CNKSR2: variants seen among roughly 807,000 people sequenced by gnomAD.
CNKSR2 encodes the protein connector enhancer of kinase suppressor of Ras 2.
A neutral mutation model predicts 84.4 loss-of-function variants in CNKSR2; 14 were observed. That is an observed-to-expected ratio of 0.17 (90% CI 0.11 to 0.26). The LOEUF (loss-of-function observed/expected upper bound fraction) is 0.26. Ranked by LOEUF, CNKSR2 falls within the 10% of genes least tolerant of loss-of-function variation. The pLI is 1.00. For synonymous variants in CNKSR2, 275 were observed against 277.9 expected, an observed-to-expected ratio of 0.99 and a Z score of 0.10; for missense variants, 485 against 771.2, an observed-to-expected ratio of 0.63 and a Z score of 4.40.
intron 11 of CNKSR2, among the ~76,000 whole-genome samples, chrX:21,537,183 G>T (rs956099240): frequency 9.0e-6 from 1 of 111,137 alleles, no homozygotes; most frequent in African/African-American, 3.3e-5. Context: ...AGTTTTTAAA[G>T]TTTCTCTTAC....
chrX:21,554,423 T>C (rs1436979969), intron 11 of CNKSR2, among the ~76,000 whole-genome samples: 1 of 111,253 alleles, frequency 9.0e-6, no homozygotes, highest in African/African-American at 3.3e-5. Context: ...CAGATTATTT[T>C]ATCCTCAGGT....
Position 21,481,603 on chromosome X carries a change from T to A in CNKSR2, c.562-8856T>A, listed in dbSNP as rs146870079. ...GGCAAAGGTGAAGGAATTTCAAGGA[T>A]GTATTTAAGGTCTCTTGTCAGTTGA... On this transcript the variant is annotated intron_variant, in intron 5 of 21. Coordinates refer to ENST00000379510, the MANE Select transcript of CNKSR2 (RefSeq NM_014927.5). Among the ~76,000 whole-genome samples the A allele has an allele frequency of 7.1e-3, 795 of 111,446 alleles. 1 individual carries two copies. The highest frequency in any genetic ancestry group is 0.01 in the Non-Finnish European group (556 of 53,022).
chrX:21,433,175 C>T (rs2090658045), intron 3 of CNKSR2, among the ~76,000 whole-genome samples: 1 of 111,361 alleles, frequency 9.0e-6, no homozygotes, highest in Non-Finnish European at 1.9e-5. Context: ...AAGGAAATGA[C>T]CATTGGGATT....
chrX:21,572,156 C>G (rs2067515942), intron 13 of CNKSR2, among the ~76,000 whole-genome samples: 1 of 112,337 alleles, frequency 8.9e-6, no homozygotes, highest in Admixed American at 9.4e-5. Context: ...ACAGTCTGTA[C>G]TATGAAAAGT....
chrX:21,564,574 G>C (rs1268633034), intron 13 of CNKSR2, among the ~76,000 whole-genome samples: 1 of 111,645 alleles, frequency 9.0e-6, no homozygotes, highest in Non-Finnish European at 1.9e-5. Context: ...TTGAATGATT[G>C]TGCTTAATGC....
At chrX:21,553,716 G>A (rs1211965002) in intron 11 of CNKSR2, among the ~76,000 whole-genome samples, 1 of 111,202 alleles carries the variant, frequency 9.0e-6, no homozygotes, top group Non-Finnish European at 1.9e-5. Context: ...TACTTTTCAT[G>A]AGAGTGACTG....
In CNKSR2 at chrX:21,590,974, C is replaced by G. The variant is rs755983216; in HGVS notation, c.1658-48C>G. The G allele has an allele frequency of 9.2e-6, 10 of 1,088,655 alleles. No individual in the cohort carries two copies. In the Admixed American group the frequency reaches 2.7e-4, roughly 30 times the overall value. 89.7% of individuals were successfully genotyped at this position (1,088,655 alleles called of 1,213,427 possible). The stretch of plus-strand genomic sequence containing the variant: ...TTTTTGGTATCTATAGATTAATCCT[C>G]TACTTTCATACCTTTGACAAAATTG... On this transcript the variant is annotated intron_variant, in intron 14 of 21. Coordinates refer to ENST00000379510, the MANE Select transcript of CNKSR2 (RefSeq NM_014927.5).
intron 2 of CNKSR2, chrX:21,427,398 T>A (rs1486249152): frequency 3.6e-5 from 4 of 112,062 alleles, no homozygotes; most frequent in Non-Finnish European, 7.5e-5. Context: ...TACAGATGTA[T>A]TTCAGTTTAT....
At chrX:21,452,159 C>T (rs761427116) in intron 4 of CNKSR2, among the ~76,000 whole-genome samples, 6 of 111,720 alleles carry the variant, frequency 5.4e-5, no homozygotes, top group Non-Finnish European at 1.1e-4. Flanking sequence ...GGCGCAATCT[C>T]GGCTCACTGC....
chrX:21,389,413 A>G (rs1240039777), intron 1 of CNKSR2, among the ~76,000 whole-genome samples: 1 of 110,754 alleles, frequency 9.0e-6, no homozygotes, highest in African/African-American at 3.3e-5. Flanking sequence ...AACTCTTTAT[A>G]CTATTTTTTG....
intron 4 of CNKSR2, among the ~76,000 whole-genome samples, chrX:21,460,302 A>G (rs1400536568): frequency 1.8e-5 from 2 of 112,150 alleles, no homozygotes; most frequent in Non-Finnish European, 3.8e-5. Context: ...TCCTTTCTCC[A>G]TCTCTACTAT....
chrX:21,565,279 C>T (rs946106624), intron 13 of CNKSR2, among the ~76,000 whole-genome samples: 3 of 111,188 alleles, frequency 2.7e-5, no homozygotes, highest in Non-Finnish European at 3.8e-5. Context: ...ATACTGTGTG[C>T]GGAAGGAAAG....
intron 17 of CNKSR2, among the ~76,000 whole-genome samples, chrX:21,598,012 T>C (rs2092459481): frequency 9.3e-6 from 1 of 107,150 alleles, no homozygotes; most frequent in African/African-American, 3.4e-5. Flanking sequence ...CATACACATA[T>C]ATATATATAT....
At chrX:21,623,809 G>C (rs2092611675) in intron 20 of CNKSR2, among the ~76,000 whole-genome samples, 1 of 111,657 alleles carries the variant, frequency 9.0e-6, no homozygotes, top group Non-Finnish European at 1.9e-5. Context: ...AAAGGCATAG[G>C]TGTCCAAAAA....
chrX:21,510,188 A>T (rs775793905), intron 8 of CNKSR2, among the ~76,000 whole-genome samples: 1 of 111,652 alleles, frequency 9.0e-6, no homozygotes, highest in Non-Finnish European at 1.9e-5. Context: ...ACATCCTGTG[A>T]GTAAGAGTGT....
At chrX:21,504,685 T>A (rs2091594812) in intron 8 of CNKSR2, 1 of 288,586 alleles carries the variant, frequency 3.5e-6, no homozygotes, top group Non-Finnish European at 6.1e-6. Context: ...TCTAATTAGA[T>A]GCCTATGTTT....
At chrX:21,478,036 A>G (rs376727206) in intron 5 of CNKSR2, among the ~76,000 whole-genome samples, 49 of 111,754 alleles carry the variant, frequency 4.4e-4, no homozygotes, top group African/African-American at 1.5e-3. Context: ...TGGTAACTGT[A>G]GCATTTGAAC....
chrX:21,375,152 A>G (rs1441853883), intron 1 of CNKSR2, among the ~76,000 whole-genome samples, 191 bp downstream of exon 1: 1 of 112,589 alleles, frequency 8.9e-6, no homozygotes, highest in Non-Finnish European at 1.9e-5. Flanking sequence ...GTCTCCAGCT[A>G]GAGGGGCGCG....
intron 8 of CNKSR2, among the ~76,000 whole-genome samples, chrX:21,513,902 T>C: frequency 8.9e-6 from 1 of 111,889 alleles, no homozygotes; most frequent in Non-Finnish European, 1.9e-5. Flanking sequence ...TTGCTATTCA[T>C]ACACTAGGTT....
Sources: gnomAD v4.1 joint callset for allele counts (sites outside exome capture counted in the v4.1 genomes callset) on GRCh38, gnomAD v4.1.1 for gene constraint, MANE v1.5 for transcripts, NCBI Gene and HGNC (gene_info 2026-07-23, HGNC 2026-07-21) for gene names.